GAK: variants seen among roughly 807,000 people sequenced by gnomAD.
GAK encodes cyclin G associated kinase.
Under a neutral mutation model 143.9 loss-of-function variants are expected in GAK, and 79 were observed. The observed-to-expected ratio is 0.55, with a 90% CI of 0.46 to 0.66. The LOEUF (loss-of-function observed/expected upper bound fraction) is 0.66. Ranked by LOEUF, GAK falls within the 30% of genes least tolerant of loss-of-function variation. The pLI, the probability that GAK is intolerant of heterozygous loss-of-function variation, is 0.00. For synonymous variants in GAK, 881 were observed against 765.5 expected (o/e 1.15, Z -2.49); for missense variants, 1,693 against 1,779.7 (o/e 0.95, Z 0.88).
intron 10 of GAK, among the ~76,000 whole-genome samples, chr4:889,906 T>C (rs1288967018): frequency 6.6e-6 from 1 of 152,188 alleles, no homozygotes; most frequent in Non-Finnish European, 1.5e-5. Context: ...CCCAGGCCCA[T>C]CACAGGTGCC....
intron 11 of GAK, chr4:886,357 C>T (rs1262927780): frequency 6.6e-6 from 1 of 152,232 alleles, no homozygotes; most frequent in African/African-American, 2.4e-5. Context: ...ATTTCTAGAA[C>T]CAGCCCCTGC....
chr4:900,095 C>T (rs1719572961), intron 5 of GAK, among the ~76,000 whole-genome samples: 1 of 152,268 alleles, frequency 6.6e-6, no homozygotes, highest in South Asian at 2.1e-4. Context: ...GGCACACGGC[C>T]ACTGAAGGCC....
chr4:905,300 G>A (rs1003933464), intron 4 of GAK, among the ~76,000 whole-genome samples: 7 of 152,156 alleles, frequency 4.6e-5, no homozygotes, highest in Non-Finnish European at 1.5e-5. Flanking sequence ...TTGTTTCGCT[G>A]GGCGTTCTGT....
chr4:894,082 C>A, intron 7 of GAK, 73 bp from the exon 8 acceptor site: 1 of 1,432,262 alleles, frequency 7.0e-7, no homozygotes, highest in Non-Finnish European at 9.2e-7. Context: ...GCGGGGAGAG[C>A]AGGGGTGATG....
At chr4:892,542 C>T (rs958323955) in intron 9 of GAK, among the ~76,000 whole-genome samples, 1 of 152,236 alleles carries the variant, frequency 6.6e-6, no homozygotes, top group Admixed American at 6.5e-5. Context: ...AGGCCTCACA[C>T]TTCCACAAAG....
At chr4:851,620 T>A (rs547322026) in intron 25 of GAK, 130 bp downstream of exon 25, 1 of 942,378 alleles carries the variant, frequency 1.1e-6, no homozygotes, top group Admixed American at 2.0e-5. Context: ...ACCGCGTCGT[T>A]CTCTGAGTGG....
Position 884,021 on chromosome 4 carries a change from CAT to C in GAK, c.1255+14_1255+15del. The stretch of plus-strand genomic sequence containing the variant: ...AGGGCCGGGGCGCGTCCCACAGCCT[CAT>C]GTGGCACGCATACCTGCAATTCTGG... On this transcript the variant is annotated intron_variant, in intron 12 of 27. Coordinates refer to ENST00000314167, the MANE Select transcript of GAK (RefSeq NM_005255.4). The C allele has an allele frequency of 6.2e-7, 1 of 1,611,768 alleles. No homozygotes were observed.
At chr4:913,294 C>T (rs1449545671) in intron 2 of GAK, among the ~76,000 whole-genome samples, 1 of 152,226 alleles carries the variant, frequency 6.6e-6, no homozygotes, top group Non-Finnish European at 1.5e-5. Flanking sequence ...AGCTTTTAAA[C>T]TCCTTGTATT....
chr4:884,143 A>C, intron 11 of GAK, 57 bp from the exon 12 acceptor site: 286 of 1,504,694 alleles, frequency 1.9e-4, no homozygotes, highest in Non-Finnish European at 2.4e-4. Context: ...CAGTTAGGTC[A>C]CAGGGCTTAA....
intron 19 of GAK, 34 bp from the exon 20 acceptor site, chr4:868,719 C>G: frequency 6.5e-7 from 1 of 1,540,202 alleles, no homozygotes; most frequent in South Asian, 1.2e-5. Flanking sequence ...GGCACTGGCA[C>G]TGGCCAGCAG....
chr4:856,530 A>C, intron 24 of GAK, among the ~76,000 whole-genome samples: 1 of 141,136 alleles, frequency 7.1e-6, no homozygotes, highest in South Asian at 2.4e-4. Context: ...CCTGCTCACC[A>C]CCACAGCTGC....
Position 859,595 on chromosome 4 carries a change from C to A in GAK, c.3283+11G>T, listed in dbSNP as rs1560288321. ...ACAGCTTCCACACCCCCAAAGTGCCCTCCACGTTACCTTGGAGGCCGGAGC... is the reference window on the plus strand; with the variant it reads ...ACAGCTTCCACACCCCCAAAGTGCCATCCACGTTACCTTGGAGGCCGGAGC... On this transcript the variant is annotated intron_variant, in intron 24 of 27. Transcript: ENST00000314167. 1 of 1,592,590 alleles carries A rather than the reference C, an allele frequency of 6.3e-7. No homozygotes were observed. The highest frequency in any genetic ancestry group is 2.3e-5 in the East Asian group (1 of 44,216).
chr4:911,008 C>T (rs1270712099), intron 4 of GAK, among the ~76,000 whole-genome samples: 2 of 151,934 alleles, frequency 1.3e-5, no homozygotes, highest in Admixed American at 1.3e-4. Flanking sequence ...GACACCAACA[C>T]GACATCCCCC....
rs1340001466 is a variant in GAK, at chr4:931,944, G to A, written c.145+99C>T. 4.5e-6 allele frequency: 4 copies of A among 895,004 alleles called. No individual in the cohort carries two copies. In the African/African-American group the frequency reaches 5.1e-5, roughly 11 times the overall value. The allele number at this position is 895,004 out of a possible 1,614,324, so 55.4% of individuals were successfully genotyped here. ...CACGATCCCGCTGGGACCCTCCCCA[G>A]CCCTAACCCACGCCCTTCCACTCCG... On this transcript the variant is annotated intron_variant, in intron 1 of 27. Transcript: ENST00000314167.
chr4:902,611 A>C (rs1401713702), intron 5 of GAK, among the ~76,000 whole-genome samples: 2 of 149,830 alleles, frequency 1.3e-5, no homozygotes, highest in South Asian at 2.1e-4. Flanking sequence ...AAAAAAAAAA[A>C]AAACCCCAAA....
intron 24 of GAK, among the ~76,000 whole-genome samples, chr4:855,892 T>G (rs1247891098): frequency 6.6e-6 from 1 of 151,820 alleles, no homozygotes; most frequent in East Asian, 1.9e-4. Flanking sequence ...GAGGTGGAGG[T>G]TGCAGTGAGC....
intron 1 of GAK, among the ~76,000 whole-genome samples, chr4:924,765 C>A (rs987273573): frequency 9.9e-5 from 15 of 151,370 alleles, no homozygotes; most frequent in African/African-American, 3.4e-4. Context: ...GAGTTCCTCC[C>A]GGGGCTGCTC....
In GAK at chr4:930,560, T is replaced by C. The variant is rs111765963; in HGVS notation, c.145+1483A>G. Among the ~76,000 whole-genome samples, 51 of 150,012 alleles carry C rather than the reference T, an allele frequency of 3.4e-4. 2 individuals carry two copies. The highest frequency in any genetic ancestry group is 1.2e-3 in the African/African-American group (48 of 40,336). ...ACTGTCTGTACCACCCCTAAGGATCTGTCCCTGTGCTGCCTCTGTCTCTCC... is the reference window on the plus strand; with the variant it reads ...ACTGTCTGTACCACCCCTAAGGATCCGTCCCTGTGCTGCCTCTGTCTCTCC... On this transcript the variant is annotated intron_variant, in intron 1 of 27. Coordinates refer to ENST00000314167, the MANE Select transcript of GAK (RefSeq NM_005255.4).
chr4:930,543 T>C (rs1018839538), intron 1 of GAK, among the ~76,000 whole-genome samples: 3 of 150,356 alleles, frequency 2.0e-5, no homozygotes, highest in Non-Finnish European at 4.4e-5. Flanking sequence ...ACACTGTCTG[T>C]ACCACCCCTA....
Sources: allele counts gnomAD v4.1 joint callset (sites outside exome capture counted in the v4.1 genomes callset), GRCh38; gene constraint gnomAD v4.1.1; transcripts MANE v1.5; gene names NCBI Gene and HGNC (gene_info 2026-07-23, HGNC 2026-07-21).